Variants in ILK observed in about 807,000 individuals in gnomAD.
The protein encoded by ILK is integrin linked kinase, also known as scaffold protein ILK.
A neutral mutation model predicts 57.8 loss-of-function variants in ILK; 37 were observed. The observed-to-expected ratio is 0.64, with a 90% CI of 0.49 to 0.84. The LOEUF is 0.84. Among genes scored for constraint, ILK ranks in the 40% least tolerant of loss-of-function variants. The probability of loss-of-function intolerance (pLI) is 0.00; values close to 1 mark genes in which losing one functional copy is unlikely to be tolerated. For synonymous variants in ILK, 231 were observed against 202.2 expected, an observed-to-expected ratio of 1.14 and a Z score of -1.21; for missense variants, 528 against 595.7, an observed-to-expected ratio of 0.89 and a Z score of 1.18.
Position 6,608,588 on chromosome 11 carries a change from G to A in ILK, c.351+99G>A, listed in dbSNP as rs901869003. The A allele has an allele frequency of 7.5e-7, 1 of 1,327,040 alleles. No homozygotes were observed. Among genetic ancestry groups the A allele is most frequent in the Non-Finnish European group, 1.1e-6 (1 of 918,312 alleles). The allele number at this position is 1,327,040 out of a possible 1,614,324, so 82.2% of individuals were successfully genotyped here. ...CTCAACCCATTCTGTCAGTACTACT[G>A]TGTGACACTTACAGGATTAAGTTCT... On this transcript the variant is annotated intron_variant, in intron 4 of 12. Coordinates refer to ENST00000299421, the MANE Select transcript of ILK (RefSeq NM_004517.4). The surrounding 1 kb of genome is among the most constrained non-coding windows in gnomAD (Gnocchi z 4.9).
rs912510389 is a variant in ILK at position 6,609,825 on chromosome 11, C to G, written c.958C>G (p.Leu320Val). ...TLEPLIPRHA[L>V]NSRSVMIDED... ...AGAGCCCCTCATCCCACGACATGCA[C>G]TCAATAGCCGTAGTGTAATGGTGAG... The change falls in exon 10 of 13, where the codon CTC (leucine) becomes GTC (valine). Residue 320 changes from leucine to valine, a missense_variant. Transcript: ENST00000299421. 8 of 1,614,112 alleles carry G rather than the reference C, an allele frequency of 5.0e-6. No individual in the cohort carries two copies. The African/African-American group carries it at 8.0e-5, about 16-fold the overall frequency.
chr11:6,607,603 C>T (rs1430712400), intron 2 of ILK: 1 of 251,784 alleles, frequency 4.0e-6, no homozygotes, highest in Non-Finnish European at 7.9e-6. Flanking sequence ...TGAACAGCTG[C>T]TGTCAATCCA....
chr11:6,607,977 G>A (rs1185589241), intron 2 of ILK, 69 bp from the exon 3 acceptor site: 24 of 1,523,494 alleles, frequency 1.6e-5, no homozygotes, highest in Non-Finnish European at 2.1e-5. Flanking sequence ...GTAATTATCA[G>A]TTTTTCAGGA....
Position 6,607,812 on chromosome 11 carries a change from G to A in ILK, c.90-234G>A, listed in dbSNP as rs2255538. 0.23 allele frequency: 130,613 copies of A among 557,380 alleles called. 16,205 individuals carry two copies. Among genetic ancestry groups the A allele is most frequent in the Non-Finnish European group, 0.26 (80,126 of 309,972 alleles). The allele number at this position is 557,380 out of a possible 1,614,324, so 34.5% of individuals were successfully genotyped here. Reference sequence around the variant, plus strand: ...CTAAGGAAATGAGATGTGGGATATGGTGAAGATAACACATTTTTTTATAGA... The same window carrying A: ...CTAAGGAAATGAGATGTGGGATATGATGAAGATAACACATTTTTTTATAGA... On this transcript the variant is annotated intron_variant, in intron 2 of 12. Coordinates refer to ENST00000299421, the MANE Select transcript of ILK (RefSeq NM_004517.4).
At chr11:6,604,054 T>A (rs1245862488) in intron 1 of ILK, 126 bp from the exon 2 acceptor site, 2 of 609,410 alleles carry the variant, frequency 3.3e-6, no homozygotes, top group Non-Finnish European at 5.9e-6. Flanking sequence ...CTGACCCGCC[T>A]TTACCTCGCG....
chr11:6,604,964 A>T, intron 2 of ILK: 1 of 450,038 alleles, frequency 2.2e-6, no homozygotes, highest in South Asian at 1.6e-5. Context: ...AAGAGAAGTG[A>T]TCAAATTCCA....
In ILK at chr11:6,604,396, A is replaced by G. The variant is rs377351100; in HGVS notation, c.89+36A>G. The G allele has an allele frequency of 3.2e-6, 5 of 1,551,586 alleles. No homozygotes were observed. In the African/African-American group the frequency reaches 6.8e-5, roughly 21 times the overall value. ...ACGGTTGGTGGATGAGAGGAAGGCT[A>G]GAGATCTCCTGGCTACGTGGAGTGG... On this transcript the variant is annotated intron_variant, in intron 2 of 12. Transcript: ENST00000299421.
rs751035884 is a variant in ILK, at chr11:6,609,746, G to C, written c.879G>C (p.Gln293His). 1 of 1,614,214 alleles carries C rather than the reference G, an allele frequency of 6.2e-7. No individual in the cohort carries two copies. The highest frequency in any genetic ancestry group is 8.5e-7 in the Non-Finnish European group (1 of 1,180,032). ...CAGATTTCGTCGTGGACCAGAGCCA[G>C]GCTGTGAAGTTTGCTTTGGACATGG... is the stretch of plus-strand genomic sequence containing the variant. Reference protein sequence around the residue: ...EGTNFVVDQSQAVKFALDMAR... With the variant: ...EGTNFVVDQSHAVKFALDMAR... The change falls in exon 10 of 13, where the codon CAG becomes CAC. Residue 293 changes from glutamine to histidine, a missense_variant. By Grantham distance (24) the Gln-to-His change is conservative. Coordinates refer to ENST00000299421, the MANE Select transcript of ILK (RefSeq NM_004517.4).
rs1855429179 is a variant in ILK, at chr11:6,610,848, C to A, written c.*237C>A. On this transcript the variant is annotated 3_prime_UTR_variant, in exon 13 of 13. Transcript: ENST00000299421. ...CATGGGAGGGATCAGCCCCGCCTGT[C>A]ACAATAAAGTTTATTATGAAAACAG... The A allele has an allele frequency of 6.4e-7, 1 of 1,555,302 alleles. No homozygotes were observed. Among genetic ancestry groups the A allele is most frequent in the Non-Finnish European group, 8.9e-7 (1 of 1,127,678 alleles).
In ILK at chr11:6,610,715, A is replaced by T; in HGVS notation, c.*104A>T. The T allele has an allele frequency of 6.9e-7, 1 of 1,451,208 alleles. No homozygotes were observed. Among genetic ancestry groups the T allele is most frequent in the Non-Finnish European group, 9.6e-7 (1 of 1,040,812 alleles). The allele number at this position is 1,451,208 out of a possible 1,614,324, so 89.9% of individuals were successfully genotyped here. A position where few individuals can be genotyped will look rare whatever the true frequency, so the allele number is the denominator to read the frequency against. ...CTGGTTGCCTCCCCCGCCTCCAGTC[A>T]TGGTACTACCCCAGCCATGGGGTCC... On this transcript the variant is annotated 3_prime_UTR_variant, in exon 13 of 13. Coordinates refer to ENST00000299421, the MANE Select transcript of ILK (RefSeq NM_004517.4).
intron 9 of ILK, 28 bp from the exon 10 acceptor site, chr11:6,609,696 G>C: frequency 1.9e-6 from 3 of 1,614,166 alleles, no homozygotes; most frequent in Non-Finnish European, 2.5e-6. Context: ...GAGCCTCTCT[G>C]AACTATTTGA....
chr11:6,604,023 C>G (rs1854566413), intron 1 of ILK, 157 bp from the exon 2 acceptor site: 2 of 593,902 alleles, frequency 3.4e-6, no homozygotes, highest in African/African-American at 3.7e-5. Flanking sequence ...GACACTACCT[C>G]TTCGTCACCC....
chr11:6,604,483 G>C (rs1854625615), intron 2 of ILK, 123 bp downstream of exon 2: 2 of 841,416 alleles, frequency 2.4e-6, no homozygotes, highest in East Asian at 2.7e-5. Flanking sequence ...GCTAAGCATA[G>C]CCTGTGGGGG....
In ILK at chr11:6,604,221, C is replaced by T; in HGVS notation, c.-51C>T. The T allele has an allele frequency of 6.6e-7, 1 of 1,504,036 alleles. No homozygotes were observed. The highest frequency in any genetic ancestry group is 9.1e-7 in the Non-Finnish European group (1 of 1,093,062). 93.2% of individuals were successfully genotyped at this position (1,504,036 alleles called of 1,614,324 possible). A position where few individuals can be genotyped will look rare whatever the true frequency, so the allele number is the denominator to read the frequency against. On this transcript the variant is annotated 5_prime_UTR_variant, in exon 2 of 13. Coordinates refer to ENST00000299421, the MANE Select transcript of ILK (RefSeq NM_004517.4). The stretch of plus-strand genomic sequence containing the variant: ...TTCATCCTCCTTCCCTGGATCACTC[C>T]ACAGTCCTCAGGCTTCCCCAATCCA...
Position 6,608,778 on chromosome 11 carries a change from G to C in ILK, c.436G>C (p.Glu146Gln), listed in dbSNP as rs2134557984. Reference protein sequence around the residue: ...PVDKAKAPLRELLRERAEKMG... With the variant: ...PVDKAKAPLRQLLRERAEKMG... ...GGACAAAGCCAAGGCACCCCTGAGA[G>C]AGCTTCTCCGAGGTCCATCTCCCCA... Residue 146 changes from glutamate to glutamine, a missense_variant, in exon 5 of 13, where the codon GAG becomes CAG. Glu to Gln is a conservative substitution (Grantham distance 29, BLOSUM62 2). Coordinates refer to ENST00000299421, the MANE Select transcript of ILK (RefSeq NM_004517.4). The surrounding 1 kb of genome is among the most constrained non-coding windows in gnomAD (Gnocchi z 4.9). The C allele has an allele frequency of 6.2e-7, 1 of 1,613,932 alleles. No individual in the cohort carries two copies. Among genetic ancestry groups the C allele is most frequent in the Non-Finnish European group, 8.5e-7 (1 of 1,179,798 alleles).
In ILK at chr11:6,608,875, C is replaced by T; in HGVS notation, c.449-9C>T. 6.2e-7 allele frequency: 1 copy of T among 1,614,218 alleles called. No individual in the cohort carries two copies. The highest frequency in any genetic ancestry group is 8.5e-7 in the Non-Finnish European group (1 of 1,180,030). On this transcript the variant is annotated splice_polypyrimidine_tract_variant and intron_variant, in intron 5 of 12. Transcript: ENST00000299421. The surrounding 1 kb of genome is among the most constrained non-coding windows in gnomAD (Gnocchi z 4.9). ...CTGTACCACAGCTTAGGTTGTTTTTCTTCCCTAGAGCGGGCAGAGAAGATG... is the reference window on the plus strand; with the variant it reads ...CTGTACCACAGCTTAGGTTGTTTTTTTTCCCTAGAGCGGGCAGAGAAGATG...
Position 6,604,336 on chromosome 11 carries a change from A to G in ILK, c.65A>G (p.Asn22Ser), listed in dbSNP as rs114115159. ...GTCGCCGTTCGCCTGTGGCTGGACA[A>G]CACGGAGAACGACCTCAACCAGGGG... is the stretch of plus-strand genomic sequence containing the variant. ...NAVAVRLWLD[N>S]TENDLNQGDD... Residue 22 changes from asparagine (N) to serine (S), a missense_variant, in exon 2 of 13, where the codon AAC (asparagine) becomes AGC (serine). Coordinates refer to ENST00000299421, the MANE Select transcript of ILK (RefSeq NM_004517.4). 1,889 of 1,611,672 alleles carry G rather than the reference A, an allele frequency of 1.2e-3. 4 individuals are homozygous for G. Among genetic ancestry groups the G allele is most frequent in the Non-Finnish European group, 1.4e-3 (1,708 of 1,179,088 alleles).
chr11:6,605,347 CGACAGAAAAG>C (rs1854768407), intron 2 of ILK, among the ~76,000 whole-genome samples: 1 of 151,558 alleles, frequency 6.6e-6, no homozygotes, highest in South Asian at 2.1e-4. Context: ...GAAGCCTGCA[CGACAGAAAAG>C]GAGCAACCGC....
At chr11:6,610,121 C>T in intron 11 of ILK, 27 bp from the exon 12 acceptor site, 1 of 1,614,148 alleles carries the variant, frequency 6.2e-7, no homozygotes, top group South Asian at 1.1e-5. Flanking sequence ...GCAAGGGGGC[C>T]AGAACAGACA....
Sources: allele counts gnomAD v4.1 joint callset (sites outside exome capture counted in the v4.1 genomes callset), GRCh38; gene constraint gnomAD v4.1.1; non-coding constraint Gnocchi (gnomAD v3.1); transcripts MANE v1.5; gene names NCBI Gene and HGNC (gene_info 2026-07-23, HGNC 2026-07-21).